The following ZNF185 variants were observed in gnomAD, a reference collection of about 807,000 sequenced individuals.
ZNF185 encodes the protein zinc finger protein 185 with LIM domain.
ZNF185 carries 56 observed loss-of-function variants against 58.6 expected under a neutral mutation model. The observed-to-expected ratio is 0.95, with a 90% CI of 0.77 to 1.19. The LOEUF is 1.19. Ranked by LOEUF, ZNF185 falls within the 50% of genes most tolerant of loss-of-function variation. The pLI, the probability that ZNF185 is intolerant of heterozygous loss-of-function variation, is 0.00. For synonymous variants in ZNF185, 230 were observed against 215.9 expected (o/e 1.07, Z -0.57); for missense variants, 627 against 573.5 (o/e 1.09, Z -0.95).
chrX:152,963,996 C>T, intron 18 of ZNF185, 47 bp downstream of exon 20: 2 of 1,132,266 alleles, frequency 1.8e-6, no homozygotes, highest in Non-Finnish European at 2.4e-6. Flanking sequence ...TCCGCCACTT[C>T]CTCCTTGGCG....
At chrX:152,922,638 C>T in intron 10 of ZNF185, 82 bp from the exon 12 acceptor site, 1 of 938,532 alleles carries the variant, frequency 1.1e-6, no homozygotes, top group Non-Finnish European at 1.5e-6. Context: ...TCCTTGCACT[C>T]CAATAAGTTA....
At chrX:152,942,534 G>A (rs1376763358) in intron 15 of ZNF185, among the ~76,000 whole-genome samples, 1 of 112,331 alleles carries the variant, frequency 8.9e-6, no homozygotes, top group African/African-American at 3.2e-5. Context: ...AGCACCAGAG[G>A]AATATCTCCT....
chrX:152,913,133 G>A (rs1739900927), upstream of ZNF185, among the ~76,000 whole-genome samples: 1 of 112,805 alleles, frequency 8.9e-6, no homozygotes, highest in African/African-American at 3.2e-5. Flanking sequence ...GGCCCTGCCA[G>A]CTGGCAGCAG....
At chrX:152,936,381 G>C (rs1333340233) in intron 14 of ZNF185, 37 bp from the exon 16 acceptor site, 1 of 1,132,386 alleles carries the variant, frequency 8.8e-7, no homozygotes, top group Admixed American at 2.6e-5. Context: ...CAGACACAAA[G>C]TCCTGAACCT....
In ZNF185 at chrX:152,915,211, G is replaced by T. The variant is rs1158348220; in HGVS notation, c.224+8G>T. On this transcript the variant is annotated splice_region_variant and intron_variant, in intron 3 of 22. Transcript: ENST00000449285. The stretch of plus-strand genomic sequence containing the variant: ...GGAGGTTCCGAAGCCTAGGTAAGAG[G>T]TGGTGCTCAGGTGGCTGGTGGGTCA... 5.0e-6 allele frequency: 6 copies of T among 1,206,770 alleles called. No individual in the cohort carries two copies. In the East Asian group the frequency reaches 1.8e-4, roughly 36 times the overall value.
At chrX:152,955,337 T>C (rs1556903822) in intron 16 of ZNF185, among the ~76,000 whole-genome samples, 5 of 112,126 alleles carry the variant, frequency 4.5e-5, no homozygotes, top group Non-Finnish European at 9.4e-5. Context: ...TAAATGTACT[T>C]ATATGGTCTT....
intron 16 of ZNF185, among the ~76,000 whole-genome samples, chrX:152,949,592 T>C (rs1371258668): frequency 9.0e-6 from 1 of 111,071 alleles, no homozygotes; most frequent in Non-Finnish European, 1.9e-5. Context: ...CTGCTAATAG[T>C]TCTAAGTAGC....
chrX:152,929,226 G>C (rs1360872597), intron 12 of ZNF185, among the ~76,000 whole-genome samples: 9 of 110,030 alleles, frequency 8.2e-5, no homozygotes, highest in African/African-American at 3.0e-4. Context: ...GGGGAGGGGT[G>C]GGTCAAGGAG....
At position 152,967,163 on chromosome X, in the gene ZNF185, G is replaced by T; in HGVS notation, c.1800-4G>T. ...CCTCCTCTCCCCTATCAAACTCCCT[G>T]CAGCGTCAGCAGCATTGAGGACTCA... is the stretch of plus-strand genomic sequence containing the variant. On this transcript the variant is annotated splice_polypyrimidine_tract_variant and splice_region_variant and intron_variant, in intron 19 of 22. Coordinates refer to ENST00000449285, the Ensembl canonical transcript of ZNF185. 8.3e-7 allele frequency: 1 copy of T among 1,210,071 alleles called. No homozygotes were observed. Among genetic ancestry groups the T allele is most frequent in the Non-Finnish European group, 1.1e-6 (1 of 894,531 alleles).
At chrX:152,956,770 A>T (rs1871828550) in intron 16 of ZNF185, among the ~76,000 whole-genome samples, 1 of 106,366 alleles carries the variant, frequency 9.4e-6, no homozygotes, top group Non-Finnish European at 1.9e-5. Flanking sequence ...TTTTATTTTG[A>T]CAATGCCTCC....
chrX:152,928,423 A>G (rs2125443933), intron 11 of ZNF185, among the ~76,000 whole-genome samples, 152 bp from the exon 13 acceptor site: 1 of 112,647 alleles, frequency 8.9e-6, no homozygotes, highest in East Asian at 2.8e-4. Flanking sequence ...GCCCGAGCTC[A>G]GCTGCAGCAC....
the ZNF185 span, among the ~76,000 whole-genome samples, chrX:152,900,716 G>A: frequency 2.7e-5 from 3 of 112,714 alleles, no homozygotes; most frequent in Admixed American, 9.3e-5. Context: ...CCGGGAAGAG[G>A]AGGAGGGGCT....
At chrX:152,928,504 G>A (rs781849749) in intron 11 of ZNF185, 71 bp from the exon 13 acceptor site, 116 of 1,104,952 alleles carry the variant, frequency 1.0e-4, no homozygotes, top group Non-Finnish European at 1.2e-4. Context: ...GCGGCCCACC[G>A]CACTCACCAG....
chrX:152,940,814 C>A (rs1326247354), intron 15 of ZNF185, among the ~76,000 whole-genome samples: 17 of 112,230 alleles, frequency 1.5e-4, no homozygotes, highest in Admixed American at 2.8e-4. Context: ...TACCTGCTGT[C>A]TGTCATGTGA....
upstream of ZNF185, among the ~76,000 whole-genome samples, chrX:152,913,389 G>A (rs782672456): frequency 5.3e-5 from 6 of 112,183 alleles, no homozygotes; most frequent in Non-Finnish European, 7.5e-5. Flanking sequence ...GCCCTTCTCC[G>A]GAGCAAATGG....
chrX:152,944,360 G>A (rs1193655889), intron 15 of ZNF185, among the ~76,000 whole-genome samples: 1 of 112,658 alleles, frequency 8.9e-6, no homozygotes, highest in African/African-American at 3.2e-5. Flanking sequence ...TTGAAGGTAG[G>A]CTGGTGATGT....
In ZNF185 at chrX:152,928,572, C is replaced by T; in HGVS notation, c.831-3C>T. The T allele has an allele frequency of 8.3e-7, 1 of 1,210,500 alleles. No homozygotes were observed. Among genetic ancestry groups the T allele is most frequent in the South Asian group, 1.8e-5 (1 of 56,825 alleles). On this transcript the variant is annotated splice_polypyrimidine_tract_variant and splice_region_variant and intron_variant, in intron 11 of 22. Transcript: ENST00000449285. ...CCCACTGGGTCTCTCCTTTGGCCCG[C>T]AGCTCAAGAGGTGAGGAAATTGTCC...
At chrX:152,954,184 C>A (rs1467745717) in intron 16 of ZNF185, among the ~76,000 whole-genome samples, 1 of 108,573 alleles carries the variant, frequency 9.2e-6, no homozygotes, top group African/African-American at 3.4e-5. Flanking sequence ...GTAAGCACAG[C>A]TAGCAGCTCA....
At chrX:152,964,642 C>T (rs1263721179) in intron 18 of ZNF185, among the ~76,000 whole-genome samples, 3 of 112,083 alleles carry the variant, frequency 2.7e-5, no homozygotes, top group African/African-American at 9.7e-5. Context: ...CTGGGAATCA[C>T]ATTTCAACAT....
Sources: allele counts gnomAD v4.1 joint callset (sites outside exome capture counted in the v4.1 genomes callset), GRCh38; gene constraint gnomAD v4.1.1; transcripts MANE v1.5; gene names NCBI Gene and HGNC (gene_info 2026-07-23, HGNC 2026-07-21).